The following UCP3 variants were observed in gnomAD, a reference collection of about 807,000 sequenced individuals.
UCP3 encodes putative mitochondrial transporter UCP3.
UCP3 carries 24 observed loss-of-function variants against 28.1 expected under a neutral mutation model. That is an observed-to-expected ratio of 0.85 (90% confidence interval 0.62 to 1.20). UCP3 has a LOEUF of 1.20. UCP3 is among the 50% of genes most tolerant of loss of function. The pLI is 0.00. For missense variants in UCP3, 397 were observed against 422.2 expected (o/e 0.94, Z 0.52); for synonymous variants, 184 against 171.2 (o/e 1.07, Z -0.59).
At chr11:74,005,681 G>A (rs1951658362) in intron 4 of UCP3, 49 bp downstream of exon 4, 4 of 1,606,002 alleles carry the variant, frequency 2.5e-6, no homozygotes, top group Non-Finnish European at 3.4e-6. Flanking sequence ...CAGCCTGAGG[G>A]GAGGGAAAGC....
At position 74,006,370 on chromosome 11, in the gene UCP3, C is replaced by A. The variant is rs1318525693; in HGVS notation, c.136G>T (p.Glu46Ter). 2.6e-6 allele frequency: 4 copies of A among 1,566,704 alleles called. No individual in the cohort carries two copies. The highest frequency in any genetic ancestry group is 3.4e-6 in the Non-Finnish European group (4 of 1,159,572). Residue 46 changes from glutamate to a stop codon, truncating the protein, a stop_gained, in exon 3 of 7, where the codon GAG becomes TAG. Coordinates refer to ENST00000314032, the MANE Select transcript of UCP3 (RefSeq NM_003356.4). LOFTEE classifies it high-confidence loss of function. ...CGGGCCGTCTGGACCGCCTGGTTCTCCCCCTGGATCTGAGGGACAATAGCA... is the reference window on the plus strand; with the variant it reads ...CGGGCCGTCTGGACCGCCTGGTTCTACCCCTGGATCTGAGGGACAATAGCA... ...TAKVRLQIQG[E>*]NQAVQTARLV...
chr11:74,005,213 C>A (rs1951653196), intron 4 of UCP3, among the ~76,000 whole-genome samples: 1 of 152,214 alleles, frequency 6.6e-6, no homozygotes, highest in Admixed American at 6.5e-5. Flanking sequence ...CAGCTTTGCT[C>A]CCAAGGAAGC....
At position 74,006,276 on chromosome 11, in the gene UCP3, G is replaced by C; in HGVS notation, c.230C>G (p.Pro77Arg). The change falls in exon 3 of 7, where the codon CCC (proline) becomes CGC (arginine). Residue 77 changes from proline to arginine, a missense_variant. Transcript: ENST00000314032. ...TMVRTEGPCS[P>R]YNGLVAGLQR... ...CAGGCCGGCCACCAGCCCATTGTAG[G>C]GGCTGCAGGGACCCTCAGTCCGCAC... The C allele has an allele frequency of 6.2e-7, 1 of 1,613,406 alleles. No homozygotes were observed. The highest frequency in any genetic ancestry group is 2.2e-5 in the East Asian group (1 of 44,886).
intron 4 of UCP3, among the ~76,000 whole-genome samples, chr11:74,005,055 G>GTGAAGAGCCCCAAC (rs1215357573): frequency 1.3e-5 from 2 of 152,208 alleles, no homozygotes; most frequent in Non-Finnish European, 2.9e-5. Context: ...CAACAAGTGA[G>GTGAAGAGCCCCAAC]TGAAGAGCCC....
Position 74,004,578 on chromosome 11 carries a change from C to T in UCP3, c.549G>A (p.Leu183=). 1 of 1,610,930 alleles carries T rather than the reference C, an allele frequency of 6.2e-7. No homozygotes were observed. The highest frequency in any genetic ancestry group is 1.1e-5 in the South Asian group (1 of 90,978). The part of the protein sequence containing the change: ...EGVRGLWKGT[L]PNIMRNAIVN... ...CGATAGCATTCCTCATGATGTTGGG[C>T]AAAGTTCCTGTTAGGAAGGCGGTGG... The change falls in exon 5 of 7, where the codon TTG becomes TTA. Residue 183 remains leucine, a synonymous_variant. Transcript: ENST00000314032.
In UCP3 at chr11:74,006,208, C is replaced by T. The variant is rs143552025; in HGVS notation, c.298G>A (p.Asp100Asn). 1.6e-5 allele frequency: 26 copies of T among 1,613,994 alleles called. No homozygotes were observed. Among genetic ancestry groups the T allele is most frequent in the African/African-American group, 6.7e-5 (5 of 74,912 alleles). Residue 100 changes from aspartate (D) to asparagine (N), a missense_variant, in exon 3 of 7, where the codon GAC becomes AAC. Physicochemically the swap from Asp to Asn is conservative, Grantham distance 23. Coordinates refer to ENST00000314032, the MANE Select transcript of UCP3 (RefSeq NM_003356.4). The stretch of plus-strand genomic sequence containing the variant: ...GGGGTGTACACCTGCTTGACGGAGT[C>T]ATAGAGGCCGATGCGGATGGAGGCG... ...SFASIRIGLYDSVKQVYTPKG... is the reference protein window; with the variant it reads ...SFASIRIGLYNSVKQVYTPKG...
At chr11:74,004,711 A>G (rs1291405255) in intron 4 of UCP3, 126 bp from the exon 5 acceptor site, 2 of 828,034 alleles carry the variant, frequency 2.4e-6, no homozygotes, top group African/African-American at 1.7e-5. Flanking sequence ...CCCCATTCCA[A>G]TGGTCTCAGC....
chr11:74,007,071 T>C lies in UCP3; in HGVS notation c.-29A>G. 3 of 1,612,632 alleles carry C rather than the reference T, an allele frequency of 1.9e-6. No individual in the cohort carries two copies. In the African/African-American group the frequency reaches 4.0e-5, roughly 21 times the overall value. On this transcript the variant is annotated 5_prime_UTR_variant, in exon 2 of 7. Transcript: ENST00000314032. ...CCTGGAAGGCTCTGCCCAGTCCCTT[T>C]AGGGCCGAGAGGAGGTCCAAGGAGA...
In UCP3 at chr11:74,007,050, G is replaced by A; in HGVS notation, c.-8C>T. 1.2e-6 allele frequency: 2 copies of A among 1,613,796 alleles called. No individual in the cohort carries two copies. ...AGGCTTCAGTCCAACCATAGTCCTG[G>A]AAGGCTCTGCCCAGTCCCTTTAGGG... is the stretch of plus-strand genomic sequence containing the variant. On this transcript the variant is annotated 5_prime_UTR_variant, in exon 2 of 7. Transcript: ENST00000314032.
At chr11:74,006,428 G>A (rs1951667906) in intron 2 of UCP3, 49 bp from the exon 3 acceptor site, 1 of 1,474,020 alleles carries the variant, frequency 6.8e-7, no homozygotes, top group Non-Finnish European at 9.0e-7. Flanking sequence ...AGGCAAGAAG[G>A]GGCTGCGTGC....
chr11:74,007,864 A>G (rs1359758916), intron 1 of UCP3, among the ~76,000 whole-genome samples: 1 of 151,118 alleles, frequency 6.6e-6, no homozygotes, highest in African/African-American at 2.4e-5. Flanking sequence ...TTCCCAATTC[A>G]CTCCAGACTC....
At position 74,001,259 on chromosome 11, in the gene UCP3, C is replaced by T. The variant is rs1203277236; in HGVS notation, c.*153G>A. ...GGCAGTGAAGACCAGAATCCCTCCT[C>T]CTCTTCTACTTCTGTTTCTTGAATC... On this transcript the variant is annotated 3_prime_UTR_variant, in exon 7 of 7. Coordinates refer to ENST00000314032, the MANE Select transcript of UCP3 (RefSeq NM_003356.4). 1.4e-6 allele frequency: 1 copy of T among 711,536 alleles called. No individual in the cohort carries two copies. Among genetic ancestry groups the T allele is most frequent in the African/African-American group, 1.8e-5 (1 of 56,464 alleles). The allele number at this position is 711,536 out of a possible 1,614,324, so 44.1% of individuals were successfully genotyped here. A position where few individuals can be genotyped will look rare whatever the true frequency, so the allele number is the denominator to read the frequency against.
chr11:74,001,899 A>C (rs1591233473), intron 6 of UCP3: 1 of 279,746 alleles, frequency 3.6e-6, no homozygotes, highest in Non-Finnish European at 6.9e-6. Context: ...TTCTAACTCC[A>C]CCCTGCTGCT....
intron 6 of UCP3, 57 bp from the exon 7 acceptor site, chr11:74,001,583 C>T (rs1020911427): frequency 4.5e-5 from 66 of 1,471,500 alleles, no homozygotes; most frequent in Non-Finnish European, 5.2e-5. Flanking sequence ...ACAACAGATG[C>T]GTGTGCTCTC....
At position 74,004,026 on chromosome 11, in the gene UCP3, C is replaced by A. The variant is rs766985024; in HGVS notation, c.644-19G>T. The stretch of plus-strand genomic sequence containing the variant: ...AAGTTGTCTGCAGAGGAAGGACAAG[C>A]AAATATCAAGGAGTGCATTTGTGTT... On this transcript the variant is annotated intron_variant, in intron 5 of 6. Coordinates refer to ENST00000314032, the MANE Select transcript of UCP3 (RefSeq NM_003356.4). 6.2e-7 allele frequency: 1 copy of A among 1,613,242 alleles called. No individual in the cohort carries two copies. Among genetic ancestry groups the A allele is most frequent in the Non-Finnish European group, 8.5e-7 (1 of 1,179,756 alleles).
chr11:74,004,549 T>A lies in UCP3; in HGVS notation c.578A>T (p.Asn193Ile). The A allele has an allele frequency of 6.2e-7, 1 of 1,613,992 alleles. No individual in the cohort carries two copies. Among genetic ancestry groups the A allele is most frequent in the Non-Finnish European group, 8.5e-7 (1 of 1,179,910 alleles). ...LPNIMRNAIV[N>I]CAEVVTYDIL... ...GTCGTAGGTCACCACCTCAGCACAG[T>A]TGACGATAGCATTCCTCATGATGTT... The change falls in exon 5 of 7, where the codon AAC becomes ATC. Residue 193 changes from asparagine to isoleucine, a missense_variant. By Grantham distance (149) the Asn-to-Ile change is moderately radical. Coordinates refer to ENST00000314032, the MANE Select transcript of UCP3 (RefSeq NM_003356.4).
chr11:74,002,684 G>T, intron 6 of UCP3: 1 of 913,650 alleles, frequency 1.1e-6, no homozygotes, highest in Non-Finnish European at 1.3e-6. Flanking sequence ...CAGAAATGTT[G>T]GACAAGTGAA....
chr11:74,006,768 G>T, intron 2 of UCP3, 149 bp downstream of exon 2: 1 of 1,302,508 alleles, frequency 7.7e-7, no homozygotes, highest in Non-Finnish European at 1.1e-6. Context: ...ATGGTGATGG[G>T]AGGAGGCAAG....
intron 1 of UCP3, among the ~76,000 whole-genome samples, chr11:74,007,893 C>T (rs1160831283): frequency 2.0e-5 from 3 of 152,112 alleles, no homozygotes; most frequent in East Asian, 3.9e-4. Flanking sequence ...CCCTAGCAGC[C>T]GGCAGCCTTT....
Sources: gnomAD v4.1 joint callset for allele counts (sites outside exome capture counted in the v4.1 genomes callset) on GRCh38, gnomAD v4.1.1 for gene constraint, MANE v1.5 for transcripts, NCBI Gene and HGNC (gene_info 2026-07-23, HGNC 2026-07-21) for gene names.